Variants in BEND7 observed in about 807,000 individuals in gnomAD.
The protein encoded by BEND7 is BEN domain containing 7, also known as BEN domain-containing protein 7.
A neutral mutation model predicts 50.9 loss-of-function variants in BEND7; 28 were observed. The ratio of observed to expected loss-of-function variants is 0.55; its 90% CI spans 0.41 to 0.75. The LOEUF is 0.75. Among genes scored for constraint, BEND7 ranks in the 30% least tolerant of loss-of-function variants. BEND7 has a pLI of 0.00. For synonymous variants in BEND7, 170 were observed against 183.9 expected (o/e 0.92, Z 0.61); for missense variants, 477 against 491.3 (o/e 0.97, Z 0.28).
At chr10:13,524,058 G>C (rs2079261247) in intron 2 of BEND7, among the ~76,000 whole-genome samples, 1 of 152,206 alleles carries the variant, frequency 6.6e-6, no homozygotes, top group Admixed American at 6.5e-5. Context: ...CTAGGAAGAA[G>C]AAAAGCAACA....
chr10:13,524,113 A>C (rs2079265737), intron 2 of BEND7, among the ~76,000 whole-genome samples: 1 of 152,214 alleles, frequency 6.6e-6, no homozygotes, highest in Non-Finnish European at 1.5e-5. Flanking sequence ...AATCCTGGGC[A>C]CTAGCATCCT....
chr10:13,528,389 GGC>G, intron 1 of BEND7, 82 bp downstream of exon 1: 1 of 625,312 alleles, frequency 1.6e-6, no homozygotes, highest in Non-Finnish European at 2.0e-6. Flanking sequence ...GCTCCGGGAG[GGC>G]GCGCCCCCCA....
rs56801101 is a variant in BEND7 at position 13,476,777 on chromosome 10, A to G, written c.1063+4122T>C. ...TAACATCAATTCTGAATCAAATCCAAGACACTAAGCTTTATCCCCAGCACT... is the reference window on the plus strand; with the variant it reads ...TAACATCAATTCTGAATCAAATCCAGGACACTAAGCTTTATCCCCAGCACT... On this transcript the variant is annotated intron_variant, in intron 6 of 8. Transcript: ENST00000466271. Among the ~76,000 whole-genome samples the G allele has an allele frequency of 1.1e-4, 17 of 152,346 alleles. No individual in the cohort carries two copies. The East Asian group carries it at 2.7e-3, about 24-fold the overall frequency.
intron 1 of BEND7, 80 bp downstream of exon 1, chr10:13,528,378 GGCTCCGGGAGGGCGC>G: frequency 2.0e-6 from 1 of 492,134 alleles, no homozygotes; most frequent in African/African-American, 2.1e-5. Flanking sequence ...AAGGACCGGG[GGCTCCGGGAGGGCGC>G]GCCCCCCAGC....
chr10:13,462,431 C>G (rs1209317851), intron 6 of BEND7, among the ~76,000 whole-genome samples: 1 of 152,182 alleles, frequency 6.6e-6, no homozygotes, highest in Non-Finnish European at 1.5e-5. Context: ...GGGGGAACCA[C>G]CCCCATGATT....
chr10:13,499,298 G>A (rs745931904), intron 3 of BEND7, among the ~76,000 whole-genome samples: 59 of 152,132 alleles, frequency 3.9e-4, no homozygotes, highest in African/African-American at 1.2e-3. Context: ...CAGTACTGAC[G>A]TGGGATGCTG....
chr10:13,501,133 G>C (rs981331084), intron 2 of BEND7, among the ~76,000 whole-genome samples: 1 of 152,114 alleles, frequency 6.6e-6, no homozygotes, highest in Non-Finnish European at 1.5e-5. Flanking sequence ...CCAGCACTTT[G>C]GGAGGCCGAG....
chr10:13,524,344 C>T (rs2079285164), intron 2 of BEND7, among the ~76,000 whole-genome samples: 1 of 152,128 alleles, frequency 6.6e-6, no homozygotes, highest in Non-Finnish European at 1.5e-5. Context: ...TTTGATAATA[C>T]AAAATTCCAG....
At chr10:13,459,227 G>A (rs1308673282) in intron 6 of BEND7, among the ~76,000 whole-genome samples, 1 of 152,170 alleles carries the variant, frequency 6.6e-6, no homozygotes, top group Non-Finnish European at 1.5e-5. Context: ...CAACTGGGGA[G>A]AGGAACAGGG....
chr10:13,523,992 G>GT (rs1250291457), intron 2 of BEND7, among the ~76,000 whole-genome samples: 1 of 152,198 alleles, frequency 6.6e-6, no homozygotes, highest in South Asian at 2.1e-4. Flanking sequence ...CTTTGAAAGC[G>GT]TATCTATCTC....
At chr10:13,492,988 A>G in intron 4 of BEND7, 112 bp from the exon 5 acceptor site, 1 of 1,258,684 alleles carries the variant, frequency 7.9e-7, no homozygotes, top group Non-Finnish European at 1.1e-6. Context: ...GGAAAACTCC[A>G]GGATGAAGCA....
chr10:13,469,797 GT>G lies in BEND7; in HGVS notation c.1063+11101del, dbSNP rs369056608. Among the ~76,000 whole-genome samples the G allele has an allele frequency of 5.6e-4, 86 of 152,258 alleles. 2 individuals are homozygous for G. The South Asian group carries it at 0.01, about 18-fold the overall frequency. On this transcript the variant is annotated intron_variant, in intron 6 of 8. Coordinates refer to ENST00000466271, the MANE Select transcript of BEND7 (RefSeq NM_001369863.1). Reference sequence around the variant, plus strand: ...GCCGAAAGTTATGAATTTTTAAGGGGTTTTCTTATTGGAAGCTTGCATACAC... The same window carrying G: ...GCCGAAAGTTATGAATTTTTAAGGGGTTTCTTATTGGAAGCTTGCATACAC...
chr10:13,504,214 G>A (rs1426647430), intron 2 of BEND7, among the ~76,000 whole-genome samples: 1 of 152,212 alleles, frequency 6.6e-6, no homozygotes, highest in Non-Finnish European at 1.5e-5. Flanking sequence ...TGAGTGTGGT[G>A]CAGTGTTAGT....
intron 2 of BEND7, among the ~76,000 whole-genome samples, chr10:13,521,082 G>A (rs138816950): frequency 1.1e-3 from 162 of 152,230 alleles, no homozygotes; most frequent in African/African-American, 3.8e-3. Context: ...GTGACTGGGG[G>A]CGCCCTAACA....
At chr10:13,468,646 T>C (rs1489183147) in intron 6 of BEND7, among the ~76,000 whole-genome samples, 2 of 152,134 alleles carry the variant, frequency 1.3e-5, no homozygotes, top group African/African-American at 2.4e-5. Flanking sequence ...AAGAGTGTTT[T>C]TGCAGAATTT....
At chr10:13,525,891 T>C (rs1004057660) in intron 2 of BEND7, among the ~76,000 whole-genome samples, 4 of 152,358 alleles carry the variant, frequency 2.6e-5, no homozygotes, top group East Asian at 3.9e-4. Context: ...AGTCAGCATC[T>C]GGCTCTGTGA....
intron 2 of BEND7, among the ~76,000 whole-genome samples, chr10:13,509,230 G>C (rs937932789): frequency 6.6e-6 from 1 of 152,218 alleles, no homozygotes; most frequent in Non-Finnish European, 1.5e-5. Flanking sequence ...AATTTTCTTA[G>C]ATGTCCTTAT....
At chr10:13,444,616 G>A (rs1396506479) in intron 8 of BEND7, 5 of 152,208 alleles carry the variant, frequency 3.3e-5, no homozygotes, top group Non-Finnish European at 7.3e-5. Context: ...TCAAGCTCAA[G>A]GATGAAACCA....
At chr10:13,509,333 C>T (rs998272226) in intron 2 of BEND7, among the ~76,000 whole-genome samples, 3 of 152,186 alleles carry the variant, frequency 2.0e-5, no homozygotes, top group African/African-American at 7.2e-5. Context: ...CCAAGATGTG[C>T]AGCTTCCTAC....
Sources: gnomAD v4.1 joint callset for allele counts (sites outside exome capture counted in the v4.1 genomes callset) on GRCh38, gnomAD v4.1.1 for gene constraint, MANE v1.5 for transcripts, NCBI Gene and HGNC (gene_info 2026-07-23, HGNC 2026-07-21) for gene names.